The following HAAO variants were observed in gnomAD, a reference collection of about 807,000 sequenced individuals.
The protein encoded by HAAO is 3-hydroxyanthranilate oxygenase.
A neutral mutation model predicts 46.2 loss-of-function variants in HAAO; 49 were observed. The ratio of observed to expected loss-of-function variants is 1.06; its 90% confidence interval spans 0.84 to 1.34. HAAO has a LOEUF of 1.34. Ranked by LOEUF, HAAO falls within the 40% of genes most tolerant of loss-of-function variation. The pLI is 0.00. For missense variants in HAAO, 408 were observed against 364.5 expected, an observed-to-expected ratio of 1.12 and a Z score of -0.97; for synonymous variants, 157 against 145.2, an observed-to-expected ratio of 1.08 and a Z score of -0.58.
intron 4 of HAAO, among the ~76,000 whole-genome samples, chr2:42,774,122 C>T (rs1300871429): frequency 1.3e-5 from 2 of 152,226 alleles, no homozygotes; most frequent in East Asian, 1.9e-4. Flanking sequence ...ATTGATGTCT[C>T]TTGTCCCCCT....
intron 1 of HAAO, among the ~76,000 whole-genome samples, chr2:42,790,129 C>T (rs1672679609): frequency 6.6e-6 from 1 of 152,122 alleles, no homozygotes; most frequent in East Asian, 1.9e-4. Context: ...AGTGTCCTGT[C>T]CTGTGGGCTG....
At chr2:42,785,426 G>C (rs1231157276) in intron 2 of HAAO, among the ~76,000 whole-genome samples, 1 of 152,182 alleles carries the variant, frequency 6.6e-6, no homozygotes, top group African/African-American at 2.4e-5. Context: ...ATACCCAGCA[G>C]GGCTTTAGTT....
chr2:42,767,263 G>A lies in HAAO; in HGVS notation c.*174C>T, dbSNP rs1219887766. The stretch of plus-strand genomic sequence containing the variant: ...ATGGGGAGCTGCTGCCCGCCCAGGG[G>A]CATGGCATCTGGGCTGAGAAGGGCA... On this transcript the variant is annotated 3_prime_UTR_variant, in exon 10 of 10. Coordinates refer to ENST00000294973, the MANE Select transcript of HAAO (RefSeq NM_012205.3). 2 of 629,438 alleles carry A rather than the reference G, an allele frequency of 3.2e-6. No homozygotes were observed. Among genetic ancestry groups the A allele is most frequent in the Non-Finnish European group, 5.8e-6 (2 of 347,040 alleles). 39.0% of individuals were successfully genotyped at this position (629,438 alleles called of 1,614,324 possible).
chr2:42,769,961 G>A lies in HAAO; in HGVS notation c.485-103C>T. 6.9e-6 allele frequency: 9 copies of A among 1,300,716 alleles called. No homozygotes were observed. The South Asian group carries it at 8.3e-5, about 12-fold the overall frequency. 80.6% of individuals were successfully genotyped at this position (1,300,716 alleles called of 1,614,324 possible). A position where few individuals can be genotyped will look rare whatever the true frequency, so the allele number is the denominator to read the frequency against. On this transcript the variant is annotated intron_variant, in intron 6 of 9. Coordinates refer to ENST00000294973, the MANE Select transcript of HAAO (RefSeq NM_012205.3). ...CCCCAGGTCTCAATTGCCAGAACAGGCTCTGTATCCAGCTCAATGATCAAG... is the reference window on the plus strand; with the variant it reads ...CCCCAGGTCTCAATTGCCAGAACAGACTCTGTATCCAGCTCAATGATCAAG...
At chr2:42,773,234 C>G (rs1039951991) in intron 4 of HAAO, among the ~76,000 whole-genome samples, 1 of 152,216 alleles carries the variant, frequency 6.6e-6, no homozygotes, top group African/African-American at 2.4e-5. Flanking sequence ...GATAACAGCA[C>G]CTCCCCCATA....
In HAAO at chr2:42,767,207, G is replaced by A. The variant is rs1243474846; in HGVS notation, c.*230C>T. On this transcript the variant is annotated 3_prime_UTR_variant, in exon 10 of 10. Coordinates refer to ENST00000294973, the MANE Select transcript of HAAO (RefSeq NM_012205.3). ...GGGGGTAGACCACCTGGCAAGACTGGCAAGGCAGTGGGCTGAGTCTGCCAG... is the reference window on the plus strand; with the variant it reads ...GGGGGTAGACCACCTGGCAAGACTGACAAGGCAGTGGGCTGAGTCTGCCAG... 2 of 602,328 alleles carry A rather than the reference G, an allele frequency of 3.3e-6. No individual in the cohort carries two copies. The highest frequency in any genetic ancestry group is 2.8e-5 in the Admixed American group (1 of 35,428). 37.3% of individuals were successfully genotyped at this position (602,328 alleles called of 1,614,324 possible).
chr2:42,781,055 C>T (rs4953659), intron 4 of HAAO, among the ~76,000 whole-genome samples: 57,130 of 151,592 alleles, frequency 0.38, 11,868 homozygotes, highest in African/African-American at 0.53. Context: ...CCAGCCTGGG[C>T]GACAGAGCAA....
intron 4 of HAAO, among the ~76,000 whole-genome samples, chr2:42,779,356 C>T (rs983024395): frequency 4.0e-5 from 6 of 151,020 alleles, no homozygotes; most frequent in Non-Finnish European, 8.8e-5. Flanking sequence ...CAGAGTCTCA[C>T]TGTTGCCGAG....
rs1266608424 is a variant in HAAO at position 42,767,673 on chromosome 2, C to T, written c.704G>A (p.Gly235Asp). Residue 235 changes from glycine to aspartate, a missense_variant, in exon 9 of 10, where the codon GGC (glycine) becomes GAC (aspartate). Transcript: ENST00000294973. ...TCCCCCCATTGTCACCACCGAGGAG[C>T]CCTCCTGGAGAAGAGGAGCAGGAGA... ...NVDVWLWQLE[G>D]SSVVTMGGRR... The T allele has an allele frequency of 2.6e-6, 4 of 1,568,514 alleles. No individual in the cohort carries two copies. The East Asian group carries it at 9.5e-5, about 37-fold the overall frequency.
chr2:42,786,721 G>T (rs1182689459), intron 2 of HAAO, among the ~76,000 whole-genome samples: 2 of 152,206 alleles, frequency 1.3e-5, no homozygotes, highest in Admixed American at 6.5e-5. Flanking sequence ...AAGGAGTGAG[G>T]TAGGTGGAGT....
intron 4 of HAAO, 129 bp from the exon 5 acceptor site, chr2:42,770,711 C>A: frequency 3.5e-6 from 2 of 570,644 alleles, no homozygotes; most frequent in East Asian, 5.8e-5. Flanking sequence ...CTGTTACACA[C>A]CCTAGTGGTC....
At chr2:42,786,022 T>A (rs1460825040) in intron 2 of HAAO, among the ~76,000 whole-genome samples, 1 of 84,896 alleles carries the variant, frequency 1.2e-5, no homozygotes, top group Non-Finnish European at 3.0e-5. Flanking sequence ...TGTGTGTGTG[T>A]GTGTGTGTGT....
intron 5 of HAAO, 124 bp downstream of exon 5, chr2:42,770,369 G>T: frequency 2.2e-6 from 2 of 904,366 alleles, no homozygotes; most frequent in Non-Finnish European, 3.4e-6. Flanking sequence ...CCCTCCCCCC[G>T]GCCTGGCAGT....
At position 42,767,397 on chromosome 2, in the gene HAAO, C is replaced by G; in HGVS notation, c.*40G>C. ...TTGGCAGGGATGGCACTCGAGGGTG[C>G]TTGGCACACCTGTGGCTGCTTCAGG... On this transcript the variant is annotated 3_prime_UTR_variant, in exon 10 of 10. Coordinates refer to ENST00000294973, the MANE Select transcript of HAAO (RefSeq NM_012205.3). 6.9e-7 allele frequency: 1 copy of G among 1,459,752 alleles called. No individual in the cohort carries two copies. Among genetic ancestry groups the G allele is most frequent in the Non-Finnish European group, 9.6e-7 (1 of 1,044,286 alleles). The allele number at this position is 1,459,752 out of a possible 1,614,324, so 90.4% of individuals were successfully genotyped here.
At chr2:42,779,212 A>T (rs1306913908) in intron 4 of HAAO, among the ~76,000 whole-genome samples, 2 of 152,210 alleles carry the variant, frequency 1.3e-5, no homozygotes, top group Non-Finnish European at 2.9e-5. Context: ...GTGTCAGATT[A>T]AAAAGGTTTT....
At chr2:42,784,827 C>T (rs889965683) in intron 2 of HAAO, among the ~76,000 whole-genome samples, 8 of 152,188 alleles carry the variant, frequency 5.3e-5, no homozygotes, top group Non-Finnish European at 7.3e-5. Context: ...TGGCCATGGG[C>T]GTGAAGTGCC....
In HAAO at chr2:42,769,741, C is replaced by G. The variant is rs201598914; in HGVS notation, c.602G>C (p.Ser201Thr). ...GGTCTCATAGGTGTCCCCAAACAGG[C>G]TGAGTGGTGTGCCTGCCTGCAGCTC... ...HRELQAGTPL[S>T]LFGDTYETQV... The change falls in exon 7 of 10, where the codon AGC becomes ACC. Residue 201 changes from serine (S) to threonine (T), a missense_variant. Physicochemically the swap from Ser to Thr is moderately conservative, Grantham distance 58. Coordinates refer to ENST00000294973, the MANE Select transcript of HAAO (RefSeq NM_012205.3). 3.5e-5 allele frequency: 56 copies of G among 1,613,366 alleles called. No homozygotes were observed. The East Asian group carries it at 1.2e-3, about 35-fold the overall frequency.
At chr2:42,783,106 C>T in intron 4 of HAAO, 1 of 583,228 alleles carries the variant, frequency 1.7e-6, no homozygotes, top group Non-Finnish European at 3.1e-6. Context: ...CAGGGGGTCA[C>T]AGAGAACAGA....
chr2:42,774,214 A>C (rs1431521638), intron 4 of HAAO, among the ~76,000 whole-genome samples: 1 of 152,230 alleles, frequency 6.6e-6, no homozygotes, highest in Non-Finnish European at 1.5e-5. Flanking sequence ...ACGAGCGTGC[A>C]TCCTCAACCT....
Sources: gnomAD v4.1 joint callset for allele counts (sites outside exome capture counted in the v4.1 genomes callset) on GRCh38, gnomAD v4.1.1 for gene constraint, MANE v1.5 for transcripts, NCBI Gene and HGNC (gene_info 2026-07-23, HGNC 2026-07-21) for gene names.